MLF1: variants seen among roughly 807,000 people sequenced by gnomAD.
MLF1 encodes the protein myeloid leukemia factor 1.
Under a neutral mutation model 38.3 loss-of-function variants are expected in MLF1, and 37 were observed. That is an observed-to-expected ratio of 0.96 (90% CI 0.74 to 1.27). The LOEUF (loss-of-function observed/expected upper bound fraction) is 1.27, where lower values mean the gene tolerates loss of function less well. Ranked by LOEUF, MLF1 falls within the 50% of genes most tolerant of loss-of-function variation. The pLI is 0.00. For missense variants in MLF1, 331 were observed against 349.2 expected (o/e 0.95, Z 0.42); for synonymous variants, 95 against 106.5 (o/e 0.89, Z 0.66).
rs1463692709 is a variant in MLF1, at chr3:158,585,372, A to T, written c.48-7062A>T. ...CTGGTTCCCCTTTACCTTCCTCCAT[A>T]AGTGGAAGCATCCTGAAGTTCTCAT... On this transcript the variant is annotated intron_variant, in intron 1 of 7. Transcript: ENST00000466246. 2.6e-5 allele frequency among the ~76,000 whole-genome samples: 4 copies of T among 151,994 alleles called. 1 individual carries two copies. The highest frequency in any genetic ancestry group is 9.7e-5 in the African/African-American group (4 of 41,350).
intron 6 of MLF1, among the ~76,000 whole-genome samples, chr3:158,601,087 T>G (rs1719676109): frequency 6.6e-6 from 1 of 152,066 alleles, no homozygotes; most frequent in Non-Finnish European, 1.5e-5. Flanking sequence ...CAGAAAGTAT[T>G]TTGAATAATG....
chr3:158,579,069 A>G (rs972901136), intron 1 of MLF1, among the ~76,000 whole-genome samples: 2 of 152,170 alleles, frequency 1.3e-5, no homozygotes, highest in African/African-American at 4.8e-5. Flanking sequence ...ATCTTTAACA[A>G]CATTTTCAAA....
At chr3:158,593,488 T>C in intron 3 of MLF1, 62 bp downstream of exon 3, 1 of 1,338,790 alleles carries the variant, frequency 7.5e-7, no homozygotes. Flanking sequence ...TATTTTTCAT[T>C]AACTCAAGCT....
At position 158,598,179 on chromosome 3, in the gene MLF1, T is replaced by C. The variant is rs775837612; in HGVS notation, c.424T>C (p.Ser142Pro). 1 of 1,613,868 alleles carries C rather than the reference T, an allele frequency of 6.2e-7. No individual in the cohort carries two copies. ...TGAACCGCCAAAGGTTTTTCAGGCC[T>C]CAACTCAAACTCGTCGAGCTCCAGG... ...GDEPPKVFQA[S>P]TQTRRAPGGI... Residue 142 changes from serine (S) to proline (P), a missense_variant, in exon 5 of 8, where the codon TCA becomes CCA. Transcript: ENST00000466246.
chr3:158,571,450 C>G, intron 1 of MLF1, 103 bp downstream of exon 1: 2 of 1,421,768 alleles, frequency 1.4e-6, no homozygotes, highest in Non-Finnish European at 2.0e-6. Flanking sequence ...AGAGAGAATT[C>G]GGAGTAACTC....
At position 158,600,109 on chromosome 3, in the gene MLF1, A is replaced by G. The variant is rs1719521923; in HGVS notation, c.549A>G (p.Lys183=). ...TCCATGACCGAGCTCATGTCATTAA[A>G]AAGTCAAAGAACAAGAAGACTGGAG... The part of the protein sequence containing the change: ...HHIHDRAHVI[K]KSKNKKTGDE... The change falls in exon 6 of 8, where the codon AAA becomes AAG. Residue 183 remains lysine (K), a synonymous_variant. Transcript: ENST00000466246. 1 of 1,483,338 alleles carries G rather than the reference A, an allele frequency of 6.7e-7. No individual in the cohort carries two copies. Among genetic ancestry groups the G allele is most frequent in the Non-Finnish European group, 9.0e-7 (1 of 1,109,446 alleles). 91.9% of individuals were successfully genotyped at this position (1,483,338 alleles called of 1,614,324 possible). A position where few individuals can be genotyped will look rare whatever the true frequency, so the allele number is the denominator to read the frequency against.
chr3:158,583,626 A>C (rs559839154), intron 1 of MLF1, among the ~76,000 whole-genome samples: 32 of 152,310 alleles, frequency 2.1e-4, no homozygotes, highest in Non-Finnish European at 3.7e-4. Context: ...AGTCTCAGAT[A>C]TTGAACCAAA....
intron 1 of MLF1, among the ~76,000 whole-genome samples, chr3:158,580,406 A>T (rs1389663728): frequency 6.6e-6 from 1 of 152,190 alleles, no homozygotes; most frequent in Non-Finnish European, 1.5e-5. Context: ...GATTTTGGAA[A>T]ACAAAAAACG....
At chr3:158,599,924 A>G in intron 5 of MLF1, 90 bp from the exon 6 acceptor site, 1 of 488,078 alleles carries the variant, frequency 2.0e-6, no homozygotes, top group Non-Finnish European at 3.1e-6. Flanking sequence ...AGAGCAATAG[A>G]TCTATGGCCA....
Position 158,600,164 on chromosome 3 carries a change from A to T in MLF1, c.604A>T (p.Met202Leu). The change falls in exon 6 of 8, where the codon ATG becomes TTG. Residue 202 changes from methionine (M) to leucine (L), a missense_variant. Met to Leu is a conservative substitution (Grantham distance 15). Transcript: ENST00000466246. Reference sequence around the variant, plus strand: ...AGAGGTCAACCAGGAGTTCATCAATATGAATGAAAGTAAGTTATCACAAAA... The same window carrying T: ...AGAGGTCAACCAGGAGTTCATCAATTTGAATGAAAGTAAGTTATCACAAAA... ...DEEVNQEFIN[M>L]NESDAHAFDE... The T allele has an allele frequency of 7.0e-7, 1 of 1,434,880 alleles. No individual in the cohort carries two copies. The highest frequency in any genetic ancestry group is 2.6e-5 in the East Asian group (1 of 38,038). 88.9% of individuals were successfully genotyped at this position (1,434,880 alleles called of 1,614,324 possible). A position where few individuals can be genotyped will look rare whatever the true frequency, so the allele number is the denominator to read the frequency against.
At chr3:158,586,999 C>T (rs943572473) in intron 1 of MLF1, among the ~76,000 whole-genome samples, 1 of 152,140 alleles carries the variant, frequency 6.6e-6, no homozygotes, top group Non-Finnish European at 1.5e-5. Context: ...GTGCCTTTTA[C>T]ATATGTGTTC....
At chr3:158,600,227 G>T in intron 6 of MLF1, 54 bp downstream of exon 6, 4 of 1,111,270 alleles carry the variant, frequency 3.6e-6, no homozygotes, top group Non-Finnish European at 4.7e-6. Flanking sequence ...AATAACAGCC[G>T]TACTTGATGA....
rs1718335268 is a variant in MLF1, at chr3:158,592,705, T to C, written c.195+124T>C. ...ATATTCTTGTTCTAGAAATCACTAT[T>C]ATATAAAAGGGGGGACCTTTGGAAA... On this transcript the variant is annotated intron_variant, in intron 2 of 7. Transcript: ENST00000466246. 17 of 780,226 alleles carry C rather than the reference T, an allele frequency of 2.2e-5. No individual in the cohort carries two copies. The South Asian group carries it at 4.3e-4, about 20-fold the overall frequency. 48.3% of individuals were successfully genotyped at this position (780,226 alleles called of 1,614,324 possible).
chr3:158,577,868 AG>A (rs1715692216), intron 1 of MLF1, among the ~76,000 whole-genome samples: 1 of 152,210 alleles, frequency 6.6e-6, no homozygotes, highest in South Asian at 2.1e-4. Context: ...ATAGAATATC[AG>A]GGGAGCATAA....
In MLF1 at chr3:158,585,795, T is replaced by C. The variant is rs140869587; in HGVS notation, c.48-6639T>C. Among the ~76,000 whole-genome samples, 773 of 152,154 alleles carry C rather than the reference T, an allele frequency of 5.1e-3. 12 individuals carry two copies. The highest frequency in any genetic ancestry group is 0.018 in the African/African-American group (744 of 41,494). On this transcript the variant is annotated intron_variant, in intron 1 of 7. Transcript: ENST00000466246. ...CAGATAGAAATAAGGTAATAGTAAA[T>C]ACCCAAAGAAGTAATTTAAGAACAA...
rs551349565 is a variant in MLF1 at position 158,604,488 on chromosome 3, AC to A, written c.747-608del. ...GAAGCATTGCTGGTACAACTGAAGA[AC>A]TGAATTATTTTATTTTAATTCAAAT... On this transcript the variant is annotated intron_variant, in intron 7 of 7. Transcript: ENST00000466246. Among the ~76,000 whole-genome samples, 72 of 152,330 alleles carry A rather than the reference AC, an allele frequency of 4.7e-4. 1 individual carries two copies. The highest frequency in any genetic ancestry group is 2.2e-3 in the Admixed American group (34 of 15,304).
chr3:158,584,059 A>G (rs925112618), intron 1 of MLF1, among the ~76,000 whole-genome samples: 1 of 152,220 alleles, frequency 6.6e-6, no homozygotes, highest in African/African-American at 2.4e-5. Flanking sequence ...AGGAAAGACA[A>G]TTCTAGCCTA....
intron 1 of MLF1, among the ~76,000 whole-genome samples, chr3:158,584,167 G>C (rs766892761): frequency 3.9e-5 from 6 of 152,178 alleles, no homozygotes; most frequent in Non-Finnish European, 7.3e-5. Flanking sequence ...CACAGTCACT[G>C]GAAAGGGAGG....
At chr3:158,596,340 G>A (rs778471277) in intron 3 of MLF1, among the ~76,000 whole-genome samples, 1 of 152,064 alleles carries the variant, frequency 6.6e-6, no homozygotes, top group Non-Finnish European at 1.5e-5. Context: ...ATTGATTTCT[G>A]TCACCCAGAT....
Sources: allele counts gnomAD v4.1 joint callset (sites outside exome capture counted in the v4.1 genomes callset), GRCh38; gene constraint gnomAD v4.1.1; transcripts MANE v1.5; gene names NCBI Gene and HGNC (gene_info 2026-07-23, HGNC 2026-07-21).